The following CORO7 variants were observed in gnomAD, a reference collection of about 807,000 sequenced individuals.
The protein encoded by CORO7 is coronin 7.
Under a neutral mutation model 126.6 loss-of-function variants are expected in CORO7, and 107 were observed. The observed-to-expected ratio is 0.85, with a 90% CI of 0.72 to 0.99. CORO7 has a LOEUF of 0.99. CORO7 is among the 50% of genes least tolerant of loss of function. The pLI is 0.00. For synonymous variants in CORO7, 603 were observed against 536.8 expected, an observed-to-expected ratio of 1.12 and a Z score of -1.70; for missense variants, 1,314 against 1,255.8, an observed-to-expected ratio of 1.05 and a Z score of -0.70.
intron 7 of CORO7, among the ~76,000 whole-genome samples, chr16:4,389,957 G>T (rs76353695): frequency 0.025 from 3,820 of 152,346 alleles, 83 homozygotes; most frequent in Middle Eastern, 0.051. Context: ...CTCAGATAGA[G>T]GGCAGGTGCT....
chr16:4,388,738 G>T, intron 7 of CORO7, 107 bp from the exon 8 acceptor site: 1 of 1,243,116 alleles, frequency 8.0e-7, no homozygotes, highest in Non-Finnish European at 1.1e-6. Flanking sequence ...CTGCCTGAAA[G>T]CCTCACAGAG....
chr16:4,358,850 G>T, intron 23 of CORO7: 1 of 284,312 alleles, frequency 3.5e-6, no homozygotes, highest in African/African-American at 2.2e-5. Flanking sequence ...AAATTAATTA[G>T]AAGTGATAAA....
intron 4 of CORO7, 99 bp from the exon 5 acceptor site, chr16:4,407,783 G>A (rs1471298448): frequency 1.4e-6 from 2 of 1,398,466 alleles, no homozygotes; most frequent in East Asian, 2.5e-5. Flanking sequence ...GAACTAGGCT[G>A]CTCCAGGAGA....
intron 17 of CORO7, 42 bp from the exon 18 acceptor site, chr16:4,361,290 A>G (rs1359434994): frequency 6.2e-7 from 1 of 1,609,966 alleles, no homozygotes; most frequent in Non-Finnish European, 8.5e-7. Flanking sequence ...TGAGCCCAAG[A>G]CCTCTGGGCT....
chr16:4,380,980 A>C, intron 9 of CORO7: 1 of 1,608,002 alleles, frequency 6.2e-7, no homozygotes, highest in Non-Finnish European at 8.5e-7. Context: ...CCAGCCACAG[A>C]CAGTCTTCTG....
At chr16:4,386,123 A>G (rs1390568786) in intron 9 of CORO7, among the ~76,000 whole-genome samples, 2 of 152,118 alleles carry the variant, frequency 1.3e-5, no homozygotes, top group Non-Finnish European at 2.9e-5. Flanking sequence ...CACCAGCTTC[A>G]TGGGGGCTGG....
chr16:4,375,005 G>A (rs908512979), intron 9 of CORO7, among the ~76,000 whole-genome samples: 4 of 152,224 alleles, frequency 2.6e-5, no homozygotes, highest in East Asian at 1.9e-4. Flanking sequence ...CACCTGCCGC[G>A]TGCCGAAAGT....
At chr16:4,380,198 C>T (rs1160763129) in intron 9 of CORO7, among the ~76,000 whole-genome samples, 7 of 152,178 alleles carry the variant, frequency 4.6e-5, no homozygotes. Flanking sequence ...AGCCTCAGCT[C>T]CCCGCCTCCC....
chr16:4,364,175 G>A (rs2054272652), intron 14 of CORO7, 101 bp downstream of exon 14: 2 of 1,378,210 alleles, frequency 1.5e-6, no homozygotes, highest in African/African-American at 1.5e-5. Flanking sequence ...GACAGAGTGA[G>A]ACACTGTCTC....
chr16:4,371,210 T>G (rs1035963963), intron 9 of CORO7, among the ~76,000 whole-genome samples: 1 of 152,080 alleles, frequency 6.6e-6, no homozygotes, highest in Non-Finnish European at 1.5e-5. Flanking sequence ...CATAATATGG[T>G]GGGGAAGAGA....
chr16:4,386,702 G>C (rs1488232625), intron 9 of CORO7, among the ~76,000 whole-genome samples: 2 of 152,172 alleles, frequency 1.3e-5, no homozygotes, highest in Non-Finnish European at 2.9e-5. Context: ...GGAAGGTGCC[G>C]AATCTTGCTC....
intron 25 of CORO7, chr16:4,357,618 A>G (rs1049549066): frequency 1.7e-5 from 6 of 347,362 alleles, no homozygotes; most frequent in African/African-American, 1.1e-4. Context: ...AGCCTCCTAA[A>G]GTGCTGGGAT....
Position 4,364,901 on chromosome 16 carries a change from C to A in CORO7, c.918G>T (p.Glu306Asp), listed in dbSNP as rs781165556. The change falls in exon 12 of 28, where the codon GAG becomes GAT. Residue 306 changes from glutamate (E) to aspartate (D), a missense_variant. By Grantham distance (45) the Glu-to-Asp change is conservative. Coordinates refer to ENST00000251166, the MANE Select transcript of CORO7 (RefSeq NM_024535.5). ...CAAGGGCAGCCCCACGCAGCACGCT[C>A]TCCAGGACACACTGGGTCACTGTTG... is the stretch of plus-strand genomic sequence containing the variant. ...ALSPVTQCVLESVLRGAALVP... is the reference protein window; with the variant it reads ...ALSPVTQCVLDSVLRGAALVP... 5 of 1,611,030 alleles carry A rather than the reference C, an allele frequency of 3.1e-6. No homozygotes were observed. The highest frequency in any genetic ancestry group is 4.2e-6 in the Non-Finnish European group (5 of 1,179,272).
rs1451294054 is a variant in CORO7 at position 4,382,583 on chromosome 16, C to G, written c.785+5403G>C. 7.6e-6 allele frequency: 12 copies of G among 1,588,332 alleles called. 1 individual carries two copies. In the South Asian group the frequency reaches 1.4e-4, roughly 18 times the overall value. On this transcript the variant is annotated intron_variant, in intron 9 of 27. Transcript: ENST00000251166. ...TCCAACCACGCCCCAGTCACCCAGG[C>G]CCGCGAGGGCAACCTGCCGCTCCTC...
At chr16:4,359,153 A>T in intron 23 of CORO7, 143 bp downstream of exon 23, 1 of 853,564 alleles carries the variant, frequency 1.2e-6, no homozygotes, top group Non-Finnish European at 1.7e-6. Flanking sequence ...TCTTCTTGCC[A>T]GTCACTGGGC....
At chr16:4,361,746 T>C (rs759572198) in intron 16 of CORO7, 1 of 813,094 alleles carries the variant, frequency 1.2e-6, no homozygotes, top group South Asian at 1.4e-5. Flanking sequence ...CTCCACCACT[T>C]ACACAGCTGT....
chr16:4,416,441 T>C lies in CORO7; in HGVS notation c.60+18A>G. On this transcript the variant is annotated intron_variant, in intron 1 of 27. Coordinates refer to ENST00000251166, the MANE Select transcript of CORO7 (RefSeq NM_024535.5). ...CGGGGCCCGAGGCGACAGCGCCCGGTCCTCGGGCCGGACTCACCTCGCGGC... is the reference window on the plus strand; with the variant it reads ...CGGGGCCCGAGGCGACAGCGCCCGGCCCTCGGGCCGGACTCACCTCGCGGC... 1 of 1,561,576 alleles carries C rather than the reference T, an allele frequency of 6.4e-7. No individual in the cohort carries two copies. Among genetic ancestry groups the C allele is most frequent in the Non-Finnish European group, 8.6e-7 (1 of 1,159,488 alleles).
At chr16:4,381,380 T>A (rs2054955245) in intron 9 of CORO7, 2 of 1,585,410 alleles carry the variant, frequency 1.3e-6, no homozygotes, top group East Asian at 4.7e-5. Context: ...CCGCTGCGCC[T>A]GCCCCGCCTG....
Position 4,360,973 on chromosome 16 carries a change from A to T in CORO7, c.1887T>A (p.Asp629Glu). ...CTTGGTGGCCCTGCAGCTTCAGCCG[A>T]TCAGCTCCAGCCTGAAGGTCCCAGA... Reference protein sequence around the residue: ...VRIWDLQAGADRLKLQGHQDQ... With the variant: ...VRIWDLQAGAERLKLQGHQDQ... Residue 629 changes from aspartate (D) to glutamate (E), a missense_variant, in exon 19 of 28, where the codon GAT (aspartate) becomes GAA (glutamate). By Grantham distance (45) the Asp-to-Glu change is conservative. Coordinates refer to ENST00000251166, the MANE Select transcript of CORO7 (RefSeq NM_024535.5). 6.2e-7 allele frequency: 1 copy of T among 1,612,458 alleles called. No individual in the cohort carries two copies. Among genetic ancestry groups the T allele is most frequent in the Non-Finnish European group, 8.5e-7 (1 of 1,179,990 alleles).
Sources: gnomAD v4.1 joint callset for allele counts (sites outside exome capture counted in the v4.1 genomes callset) on GRCh38, gnomAD v4.1.1 for gene constraint, MANE v1.5 for transcripts, NCBI Gene and HGNC (gene_info 2026-07-23, HGNC 2026-07-21) for gene names.